The following ST3GAL2 variants were observed in gnomAD, a reference collection of about 807,000 sequenced individuals.
ST3GAL2 encodes ST3 beta-galactoside alpha-2,3-sialyltransferase 2, also known as CMP-N-acetylneuraminate-beta-galactosamide-alpha-2,3-sialyltransferase 2.
ST3GAL2 carries 16 observed loss-of-function variants against 37.5 expected under a neutral mutation model. The observed-to-expected ratio is 0.43, with a 90% CI of 0.29 to 0.65. The LOEUF (loss-of-function observed/expected upper bound fraction) is 0.65, where lower values mean the gene tolerates loss of function less well. Among genes scored for constraint, ST3GAL2 ranks in the 30% least tolerant of loss-of-function variants. ST3GAL2 has a pLI of 0.17. For synonymous variants in ST3GAL2, 238 were observed against 202.9 expected, an observed-to-expected ratio of 1.17 and a Z score of -1.47; for missense variants, 383 against 487.8, an observed-to-expected ratio of 0.79 and a Z score of 2.02.
At chr16:70,384,351 TA>T (rs2047427191) in intron 4 of ST3GAL2, among the ~76,000 whole-genome samples, 1 of 152,148 alleles carries the variant, frequency 6.6e-6, no homozygotes, top group African/African-American at 2.4e-5. Context: ...TTATGCTAAG[TA>T]AAGTAAGTCA....
At chr16:70,437,084 A>G (rs1597580532) in intron 1 of ST3GAL2, among the ~76,000 whole-genome samples, 1 of 152,296 alleles carries the variant, frequency 6.6e-6, no homozygotes, top group East Asian at 1.9e-4. Context: ...CTGAGGCCAT[A>G]GCCAGTGGCT....
intron 3 of ST3GAL2, among the ~76,000 whole-genome samples, chr16:70,394,078 C>T (rs1257414571): frequency 6.6e-6 from 1 of 152,182 alleles, no homozygotes; most frequent in Non-Finnish European, 1.5e-5. Context: ...AGCCCACGTT[C>T]AGGTCGTGAG....
chr16:70,410,240 C>CCTTTTTTTTT (rs2047627628), intron 1 of ST3GAL2, among the ~76,000 whole-genome samples: 1 of 62,664 alleles, frequency 1.6e-5, no homozygotes, highest in South Asian at 4.4e-4. Context: ...CCACCCTCAC[C>CCTTTTTTTTT]TTTTTTTTTT....
intron 1 of ST3GAL2, among the ~76,000 whole-genome samples, chr16:70,409,565 A>G (rs1352671698): frequency 6.6e-6 from 1 of 151,742 alleles, no homozygotes; most frequent in Non-Finnish European, 1.5e-5. Context: ...CTGGTCTCGA[A>G]CTCCCAGCCT....
At position 70,381,494 on chromosome 16, in the gene ST3GAL2, G is replaced by A. The variant is rs1018271975; in HGVS notation, c.*195C>T. ...TTTCCTTGAGTCACATGATTGGCTG[G>A]GAGAAACAGAAGCTCCGCCCGACCG... On this transcript the variant is annotated 3_prime_UTR_variant, in exon 7 of 7. Coordinates refer to ENST00000342907, the MANE Select transcript of ST3GAL2 (RefSeq NM_006927.4). 4 of 643,646 alleles carry A rather than the reference G, an allele frequency of 6.2e-6. No homozygotes were observed. The highest frequency in any genetic ancestry group is 1.8e-5 in the African/African-American group (1 of 54,374). The allele number at this position is 643,646 out of a possible 1,614,324, so 39.9% of individuals were successfully genotyped here.
rs1567662770 is a variant in ST3GAL2 at position 70,379,021 on chromosome 16, TA to T, written c.*2667del. 1 of 151,914 alleles carries T rather than the reference TA, an allele frequency of 6.6e-6. No individual in the cohort carries two copies. The highest frequency in any genetic ancestry group is 1.5e-5 in the Non-Finnish European group (1 of 68,006). 9.4% of individuals were successfully genotyped at this position (151,914 alleles called of 1,614,324 possible). ...TCAATAAATAAATAAATTAAATAAA[TA>T]AAAATGCGGGTTGCCTGTGGCATGG... On this transcript the variant is annotated 3_prime_UTR_variant, in exon 7 of 7. Transcript: ENST00000342907.
At chr16:70,406,005 G>A (rs2047589968) in intron 1 of ST3GAL2, among the ~76,000 whole-genome samples, 1 of 151,488 alleles carries the variant, frequency 6.6e-6, no homozygotes, top group African/African-American at 2.4e-5. Context: ...AGCTTGCAGT[G>A]AGCCGAGATC....
intron 2 of ST3GAL2, among the ~76,000 whole-genome samples, chr16:70,397,800 C>A (rs1224876513): frequency 6.6e-6 from 1 of 152,154 alleles, no homozygotes; most frequent in Non-Finnish European, 1.5e-5. Context: ...GTTTTAAAAT[C>A]TGGATTTCTA....
At chr16:70,412,011 A>G (rs2047641894) in intron 1 of ST3GAL2, among the ~76,000 whole-genome samples, 1 of 151,592 alleles carries the variant, frequency 6.6e-6, no homozygotes, top group African/African-American at 2.4e-5. Flanking sequence ...AAAAAAAAAT[A>G]GTTAATTCAA....
chr16:70,431,968 A>T (rs918960989), intron 1 of ST3GAL2, among the ~76,000 whole-genome samples: 6 of 134,526 alleles, frequency 4.5e-5, no homozygotes, highest in African/African-American at 2.4e-4. Context: ...CGTCTTAAAA[A>T]AAATATATAT....
rs554611683 is a variant in ST3GAL2 at position 70,419,965 on chromosome 16, G to T, written c.-1004+18984C>A. Among the ~76,000 whole-genome samples the T allele has an allele frequency of 2.0e-4, 30 of 151,012 alleles. 1 individual carries two copies. Among genetic ancestry groups the T allele is most frequent in the South Asian group, 8.4e-4 (4 of 4,764 alleles). On this transcript the variant is annotated intron_variant, in intron 1 of 6. Transcript: ENST00000342907. ...TGTACCAGGCAAATCCCTCCAAAGG[G>T]CTCCTATGTTATCAGTGGGGTAGGG...
rs181533474 is a variant in ST3GAL2 at position 70,393,048 on chromosome 16, C to G, written c.533+1934G>C. On this transcript the variant is annotated intron_variant, in intron 3 of 6. Coordinates refer to ENST00000342907, the MANE Select transcript of ST3GAL2 (RefSeq NM_006927.4). Reference sequence around the variant, plus strand: ...TTCTGGGGTCCACTCTATACCACCCCCCTTCCTTACCTGGCCCCTGTGAGG... The same window carrying G: ...TTCTGGGGTCCACTCTATACCACCCGCCTTCCTTACCTGGCCCCTGTGAGG... Among the ~76,000 whole-genome samples, 492 of 152,110 alleles carry G rather than the reference C, an allele frequency of 3.2e-3. 2 individuals carry two copies. The highest frequency in any genetic ancestry group is 0.011 in the African/African-American group (439 of 41,480).
Position 70,410,460 on chromosome 16 carries a change from A to G in ST3GAL2, c.-1003-10927T>C, listed in dbSNP as rs561935745. Reference sequence around the variant, plus strand: ...AGTAGAGACAGGGCTTCACCATGTTAGCCAGGATGGTCTTGATCTCCTGAC... The same window carrying G: ...AGTAGAGACAGGGCTTCACCATGTTGGCCAGGATGGTCTTGATCTCCTGAC... On this transcript the variant is annotated intron_variant, in intron 1 of 6. Coordinates refer to ENST00000342907, the MANE Select transcript of ST3GAL2 (RefSeq NM_006927.4). Among the ~76,000 whole-genome samples, 9 of 151,226 alleles carry G rather than the reference A, an allele frequency of 6.0e-5. No homozygotes were observed. In the East Asian group the frequency reaches 1.8e-3, roughly 30 times the overall value.
intron 1 of ST3GAL2, among the ~76,000 whole-genome samples, chr16:70,427,161 T>C (rs2047757217): frequency 6.6e-6 from 1 of 152,082 alleles, no homozygotes; most frequent in Admixed American, 6.6e-5. Context: ...CTCTGGCTTT[T>C]CAAATGGTGA....
At position 70,378,726 on chromosome 16, in the gene ST3GAL2, T is replaced by C. The variant is rs1300537965; in HGVS notation, c.*2963A>G. 6.7e-6 allele frequency: 1 copy of C among 148,256 alleles called. No homozygotes were observed. The highest frequency in any genetic ancestry group is 1.5e-5 in the Non-Finnish European group (1 of 67,696). 9.2% of individuals were successfully genotyped at this position (148,256 alleles called of 1,614,324 possible). A position where few individuals can be genotyped will look rare whatever the true frequency, so the allele number is the denominator to read the frequency against. The stretch of plus-strand genomic sequence containing the variant: ...AAAAAAAAAAATCGGCCAGGCACAC[T>C]GGCTCACGCCTGTAATCCCAGCACT... On this transcript the variant is annotated 3_prime_UTR_variant, in exon 7 of 7. Coordinates refer to ENST00000342907, the MANE Select transcript of ST3GAL2 (RefSeq NM_006927.4).
intron 1 of ST3GAL2, among the ~76,000 whole-genome samples, chr16:70,419,870 C>T (rs1416701595): frequency 4.6e-5 from 7 of 152,038 alleles, no homozygotes; most frequent in Non-Finnish European, 7.4e-5. Context: ...GTGGGGTGTC[C>T]GCCAGAACCA....
Position 70,395,107 on chromosome 16 carries a change from A to G in ST3GAL2, c.408T>C (p.Pro136=), listed in dbSNP as rs2047506639. 1 of 1,613,888 alleles carries G rather than the reference A, an allele frequency of 6.2e-7. No individual in the cohort carries two copies. Among genetic ancestry groups the G allele is most frequent in the Non-Finnish European group, 8.5e-7 (1 of 1,179,892 alleles). The change falls in exon 3 of 7, where the codon CCT becomes CCC. Residue 136 remains proline, a synonymous_variant. Transcript: ENST00000342907. The stretch of plus-strand genomic sequence containing the variant: ...CCCGGAAGCGGTAGGGGTTCTCGCC[A>G]GGCACTATCTGGAACAGCTTCTCCA... ...EVLEKLFQIV[P]GENPYRFRDP...
chr16:70,435,114 T>C (rs2047816314), intron 1 of ST3GAL2, among the ~76,000 whole-genome samples: 1 of 152,174 alleles, frequency 6.6e-6, no homozygotes. Context: ...ACAGCCACCC[T>C]TTTCCAAAGC....
intron 1 of ST3GAL2, among the ~76,000 whole-genome samples, chr16:70,437,265 G>A (rs2047831544): frequency 6.6e-6 from 1 of 152,202 alleles, no homozygotes; most frequent in Admixed American, 6.5e-5. Flanking sequence ...ACAGACAGTT[G>A]GCCCCCTGGC....
Sources: gnomAD v4.1 joint callset for allele counts (sites outside exome capture counted in the v4.1 genomes callset) on GRCh38, gnomAD v4.1.1 for gene constraint, MANE v1.5 for transcripts, NCBI Gene and HGNC (gene_info 2026-07-23, HGNC 2026-07-21) for gene names.